CHST12: variants seen among roughly 807,000 people sequenced by gnomAD.
CHST12 encodes carbohydrate (chondroitin 4) sulfotransferase 12.
A neutral mutation model predicts 27.9 loss-of-function variants in CHST12; 23 were observed. That is an observed-to-expected ratio of 0.82 (90% CI 0.59 to 1.17). CHST12 has a LOEUF of 1.17. CHST12 is among the 50% of genes most tolerant of loss of function. The pLI is 0.00. For synonymous variants in CHST12, 322 were observed against 273.0 expected (o/e 1.18, Z -1.77); for missense variants, 682 against 603.0 (o/e 1.13, Z -1.37).
At chr7:2,409,430 C>G (rs1342174859) in intron 1 of CHST12, among the ~76,000 whole-genome samples, 2 of 152,148 alleles carry the variant, frequency 1.3e-5, no homozygotes, top group Non-Finnish European at 2.9e-5. Context: ...GCCTGGGCAA[C>G]ATGGCGAAAC....
At position 2,441,560 on chromosome 7, in the gene CHST12, G is replaced by A. The variant is rs1432910582; in HGVS notation, c.*7676G>A. The stretch of plus-strand genomic sequence containing the variant: ...CTAAAAGAAAAAGCCGTGCATGGTG[G>A]TATGCACCTGTAGTCCCAGCTACTT... On this transcript the variant is annotated 3_prime_UTR_variant, in exon 2 of 2. Transcript: ENST00000618655. The A allele has an allele frequency of 6.6e-6, 1 of 152,012 alleles. No individual in the cohort carries two copies. The highest frequency in any genetic ancestry group is 1.5e-5 in the Non-Finnish European group (1 of 68,050). 9.4% of individuals were successfully genotyped at this position (152,012 alleles called of 1,614,324 possible).
rs544755148 is a variant in CHST12 at position 2,416,914 on chromosome 7, G to T, written c.-78+13241G>T. 1.2e-3 allele frequency among the ~76,000 whole-genome samples: 176 copies of T among 152,320 alleles called. 1 individual carries two copies. In the Middle Eastern group the frequency reaches 0.024, roughly 21 times the overall value. ...CACAGTAAATCTGCATTTTACCTGC[G>T]ATAAATAAGCACGTAAATTACTTTA... is the stretch of plus-strand genomic sequence containing the variant. On this transcript the variant is annotated intron_variant, in intron 1 of 1. Coordinates refer to ENST00000618655, the MANE Select transcript of CHST12 (RefSeq NM_018641.5).
chr7:2,428,747 CAG>C (rs1373650291), intron 1 of CHST12, among the ~76,000 whole-genome samples: 5 of 152,132 alleles, frequency 3.3e-5, no homozygotes, highest in African/African-American at 4.8e-5. Context: ...AGCCTTAAAA[CAG>C]AAACACAGGC....
chr7:2,409,994 C>G (rs1781622853), intron 1 of CHST12, among the ~76,000 whole-genome samples: 1 of 152,028 alleles, frequency 6.6e-6, no homozygotes. Flanking sequence ...GTCACTCAGG[C>G]TGGAGTGCAG....
chr7:2,419,801 C>T (rs1169661446), intron 1 of CHST12, among the ~76,000 whole-genome samples: 1 of 151,852 alleles, frequency 6.6e-6, no homozygotes, highest in African/African-American at 2.4e-5. Flanking sequence ...GCAATCACCA[C>T]CCTCCAGCCC....
chr7:2,403,529 A>G (rs899903717), upstream of CHST12: 4 of 150,788 alleles, frequency 2.7e-5, no homozygotes, highest in Middle Eastern at 3.5e-3. Context: ...GGCGGCCGCG[A>G]CGTCTCGCGA....
In CHST12 at chr7:2,433,170, C is replaced by G. The variant is rs757829489; in HGVS notation, c.531C>G (p.Asn177Lys). 6.2e-7 allele frequency: 1 copy of G among 1,613,116 alleles called. No individual in the cohort carries two copies. ...ACGTGCCCAAGGTGGCCTGCACCAA[C>G]TGGAAGCGCGTGATGATCGTGCTGA... ...YCYVPKVACTNWKRVMIVLSG... is the reference protein window; with the variant it reads ...YCYVPKVACTKWKRVMIVLSG... The change falls in exon 2 of 2, where the codon AAC (asparagine) becomes AAG (lysine). Residue 177 changes from asparagine to lysine, a missense_variant. Transcript: ENST00000618655. This position sits in a 1 kb window ranked among gnomAD's most constrained non-coding sequence, Gnocchi z 6.1.
In CHST12 at chr7:2,433,732, C is replaced by T; in HGVS notation, c.1093C>T (p.Pro365Ser). 6.2e-7 allele frequency: 1 copy of T among 1,613,770 alleles called. No homozygotes were observed. The highest frequency in any genetic ancestry group is 8.5e-7 in the Non-Finnish European group (1 of 1,179,968). Residue 365 changes from proline (P) to serine (S), a missense_variant, in exon 2 of 2, where the codon CCC becomes TCC. By Grantham distance (74) the Pro-to-Ser change is moderately conservative. Coordinates refer to ENST00000618655, the MANE Select transcript of CHST12 (RefSeq NM_018641.5). This position sits in a 1 kb window ranked among gnomAD's most constrained non-coding sequence, Gnocchi z 6.1. ...CCAGGTGGACCGGCAGCTCCGCTTC[C>T]CCCCGAGCTACCGGAACAGGACCGC... is the stretch of plus-strand genomic sequence containing the variant. Reference protein sequence around the residue: ...LLQVDRQLRFPPSYRNRTASS... With the variant: ...LLQVDRQLRFSPSYRNRTASS...
Position 2,437,824 on chromosome 7 carries a change from C to T in CHST12, c.*3940C>T, listed in dbSNP as rs1467419130. The T allele has an allele frequency of 6.6e-6, 1 of 152,172 alleles. No homozygotes were observed. Among genetic ancestry groups the T allele is most frequent in the African/African-American group, 2.4e-5 (1 of 41,396 alleles). The allele number at this position is 152,172 out of a possible 1,614,324, so 9.4% of individuals were successfully genotyped here. On this transcript the variant is annotated 3_prime_UTR_variant, in exon 2 of 2. Coordinates refer to ENST00000618655, the MANE Select transcript of CHST12 (RefSeq NM_018641.5). Reference sequence around the variant, plus strand: ...TCCAGAGGGTGTAGGAGTTGTGTTCCAAGTTTGTTCCTGCAAACCCTCCGA... The same window carrying T: ...TCCAGAGGGTGTAGGAGTTGTGTTCTAAGTTTGTTCCTGCAAACCCTCCGA...
chr7:2,411,667 T>G (rs1781670987), intron 1 of CHST12, among the ~76,000 whole-genome samples: 1 of 151,980 alleles, frequency 6.6e-6, no homozygotes, highest in Non-Finnish European at 1.5e-5. Context: ...TTTTTGTATT[T>G]AGTAGAGACA....
intron 1 of CHST12, among the ~76,000 whole-genome samples, chr7:2,416,474 C>T (rs1583212848): frequency 6.6e-6 from 1 of 152,308 alleles, no homozygotes; most frequent in Non-Finnish European, 1.5e-5. Flanking sequence ...TGCCCAGATC[C>T]TACAGAGGAA....
At chr7:2,421,530 A>G (rs915256584) in intron 1 of CHST12, among the ~76,000 whole-genome samples, 14 of 148,678 alleles carry the variant, frequency 9.4e-5, no homozygotes, top group African/African-American at 2.7e-4. Flanking sequence ...TCCACCTGCC[A>G]GGTTCAAATG....
In CHST12 at chr7:2,436,257, C is replaced by T. The variant is rs1445233146; in HGVS notation, c.*2373C>T. ...CATCTCCAGAGCTTTCTCATCTTCC[C>T]AAACTGAAACTCTGTCCCCATTCAG... On this transcript the variant is annotated 3_prime_UTR_variant, in exon 2 of 2. Transcript: ENST00000618655. The T allele has an allele frequency of 6.6e-6, 1 of 152,234 alleles. No homozygotes were observed. The highest frequency in any genetic ancestry group is 1.5e-5 in the Non-Finnish European group (1 of 68,052). The allele number at this position is 152,234 out of a possible 1,614,324, so 9.4% of individuals were successfully genotyped here.
At chr7:2,410,083 A>T (rs1583207833) in intron 1 of CHST12, among the ~76,000 whole-genome samples, 2 of 152,162 alleles carry the variant, frequency 1.3e-5, no homozygotes, top group East Asian at 3.9e-4. Context: ...CGCCCGGCCG[A>T]GCGCTTTCTT....
chr7:2,425,129 C>T (rs971697163), intron 1 of CHST12, among the ~76,000 whole-genome samples: 48 of 147,648 alleles, frequency 3.3e-4, no homozygotes, highest in African/African-American at 1.1e-3. Context: ...CGCATGAACC[C>T]GGGAGGCAGA....
Position 2,442,891 on chromosome 7 carries a change from A to G in CHST12, c.*9007A>G, listed in dbSNP as rs942480100. 6.6e-6 allele frequency: 1 copy of G among 151,772 alleles called. No individual in the cohort carries two copies. The highest frequency in any genetic ancestry group is 1.5e-5 in the Non-Finnish European group (1 of 67,972). 9.4% of individuals were successfully genotyped at this position (151,772 alleles called of 1,614,324 possible). On this transcript the variant is annotated 3_prime_UTR_variant, in exon 2 of 2. Transcript: ENST00000618655. ...GCATACCAGGGTTCTCCATGCAACAATCTAATGCCTGATGATCTGAAGTGG... is the reference window on the plus strand; with the variant it reads ...GCATACCAGGGTTCTCCATGCAACAGTCTAATGCCTGATGATCTGAAGTGG...
chr7:2,433,406 G>C lies in CHST12; in HGVS notation c.767G>C (p.Arg256Pro), dbSNP rs754434576. ...DPFVRLISAF[R>P]SKFELENEEF... ...TTCGTGCGCCTGATCTCCGCCTTCC[G>C]CAGCAAGTTCGAGCTGGAGAACGAG... is the stretch of plus-strand genomic sequence containing the variant. The change falls in exon 2 of 2, where the codon CGC becomes CCC. Residue 256 changes from arginine (R) to proline (P), a missense_variant. Arg to Pro is a moderately radical substitution (Grantham distance 103). Transcript: ENST00000618655. The surrounding 1 kb of genome is among the most constrained non-coding windows in gnomAD (Gnocchi z 6.1). 2 of 1,609,422 alleles carry C rather than the reference G, an allele frequency of 1.2e-6. No individual in the cohort carries two copies. The highest frequency in any genetic ancestry group is 1.7e-6 in the Non-Finnish European group (2 of 1,179,894).
chr7:2,431,340 A>G (rs994524281), intron 1 of CHST12, among the ~76,000 whole-genome samples: 3 of 152,330 alleles, frequency 2.0e-5, no homozygotes, highest in African/African-American at 7.2e-5. Context: ...TGCATGATTA[A>G]TGTTTTCCAT....
intron 1 of CHST12, among the ~76,000 whole-genome samples, chr7:2,417,929 G>A (rs1462852200): frequency 6.6e-6 from 1 of 152,354 alleles, no homozygotes; most frequent in Non-Finnish European, 1.5e-5. Context: ...TGTCAGTTCT[G>A]CTGTAACAAT....
Sources: allele counts gnomAD v4.1 joint callset (sites outside exome capture counted in the v4.1 genomes callset), GRCh38; gene constraint gnomAD v4.1.1; non-coding constraint Gnocchi (gnomAD v3.1); transcripts MANE v1.5; gene names NCBI Gene and HGNC (gene_info 2026-07-23, HGNC 2026-07-21).